The following TAFA2 variants were observed in gnomAD, a reference collection of about 807,000 sequenced individuals.
TAFA2 encodes chemokine-like protein TAFA-2.
TAFA2 carries 7 observed loss-of-function variants against 18.8 expected under a neutral mutation model. That is an observed-to-expected ratio of 0.37 (90% CI 0.21 to 0.70). TAFA2 has a LOEUF of 0.70. Among genes scored for constraint, TAFA2 ranks in the 30% least tolerant of loss-of-function variants. The probability of loss-of-function intolerance (pLI) is 0.53; values close to 1 mark genes in which losing one functional copy is unlikely to be tolerated. For missense variants in TAFA2, 122 were observed against 158.1 expected, an observed-to-expected ratio of 0.77 and a Z score of 1.23; for synonymous variants, 60 against 54.2, an observed-to-expected ratio of 1.11 and a Z score of -0.47.
Position 61,906,160 on chromosome 12 carries a change from C to T in TAFA2, c.-1-38734G>A, listed in dbSNP as rs55975910. On this transcript the variant is annotated intron_variant, in intron 1 of 4. Transcript: ENST00000416284. ...CCACCACACTGCAGAATATCACACT[C>T]GGTAAGTTATGAGGATGATGTCATA... is the stretch of plus-strand genomic sequence containing the variant. 5.7e-3 allele frequency among the ~76,000 whole-genome samples: 869 copies of T among 152,222 alleles called. 6 individuals are homozygous for T. The highest frequency in any genetic ancestry group is 0.019 in the African/African-American group (783 of 41,532).
intron 1 of TAFA2, among the ~76,000 whole-genome samples, chr12:62,163,625 G>A (rs1292010474): frequency 2.6e-5 from 4 of 152,030 alleles, no homozygotes; most frequent in Non-Finnish European, 5.9e-5. Context: ...ATGATTTGTT[G>A]AAACCAAATG....
At chr12:62,121,216 C>G (rs937749568) in intron 1 of TAFA2, among the ~76,000 whole-genome samples, 6 of 152,112 alleles carry the variant, frequency 3.9e-5, no homozygotes, top group Non-Finnish European at 8.8e-5. Context: ...ATAACCCCTA[C>G]CTAATCTCAT....
chr12:61,992,779 G>C (rs1014562783), intron 1 of TAFA2, among the ~76,000 whole-genome samples: 6 of 152,142 alleles, frequency 3.9e-5, no homozygotes, highest in Non-Finnish European at 7.4e-5. Flanking sequence ...AAGAAGACAA[G>C]CTCCATGAGA....
chr12:62,201,178 T>A (rs2062669266), intron 1 of TAFA2, among the ~76,000 whole-genome samples: 4 of 152,202 alleles, frequency 2.6e-5, no homozygotes, highest in Admixed American at 2.6e-4. Flanking sequence ...GATCATGTTA[T>A]CTGCAAACAG....
At chr12:61,765,449 C>T (rs796168298) in intron 2 of TAFA2, among the ~76,000 whole-genome samples, 13 of 152,192 alleles carry the variant, frequency 8.5e-5, no homozygotes, top group African/African-American at 3.1e-4. Flanking sequence ...CAAGCCTTAG[C>T]TTAACTAATA....
chr12:61,765,670 T>C (rs536859002), intron 2 of TAFA2, among the ~76,000 whole-genome samples: 75 of 152,088 alleles, frequency 4.9e-4, no homozygotes, highest in Non-Finnish European at 1.0e-3. Flanking sequence ...ATAATGAGGG[T>C]AAATTGAGCT....
intron 1 of TAFA2, among the ~76,000 whole-genome samples, chr12:62,110,604 G>A (rs1041867914): frequency 6.5e-5 from 9 of 137,726 alleles, no homozygotes; most frequent in East Asian, 2.2e-4. Context: ...AATCCATCTG[G>A]TCCTGGGCTT....
chr12:62,029,951 A>C (rs1881412258), intron 1 of TAFA2, among the ~76,000 whole-genome samples: 1 of 152,152 alleles, frequency 6.6e-6, no homozygotes, highest in Non-Finnish European at 1.5e-5. Context: ...AAACGATCTT[A>C]GAATTAACAC....
intron 1 of TAFA2, among the ~76,000 whole-genome samples, chr12:61,931,781 A>G (rs1877564685): frequency 6.6e-6 from 1 of 152,176 alleles, no homozygotes; most frequent in Non-Finnish European, 1.5e-5. Flanking sequence ...CAGATTAATT[A>G]TCTTCTTTGG....
At chr12:61,969,769 C>T (rs1235548242) in intron 1 of TAFA2, among the ~76,000 whole-genome samples, 2 of 151,618 alleles carry the variant, frequency 1.3e-5, no homozygotes, top group Non-Finnish European at 3.0e-5. Flanking sequence ...GAACTCAATA[C>T]ACGTTTGAAC....
At chr12:62,198,755 G>A (rs2062659400) in intron 1 of TAFA2, among the ~76,000 whole-genome samples, 1 of 152,136 alleles carries the variant, frequency 6.6e-6, no homozygotes, top group African/African-American at 2.4e-5. Context: ...CACAACCCAA[G>A]GTTACATGCA....
At chr12:62,170,533 G>A (rs1164686866) in intron 1 of TAFA2, among the ~76,000 whole-genome samples, 1 of 152,180 alleles carries the variant, frequency 6.6e-6, no homozygotes, top group Admixed American at 6.5e-5. Flanking sequence ...CTGTGCCAGA[G>A]TTATGTGTGT....
chr12:61,786,229 A>G (rs1002913757), intron 2 of TAFA2, among the ~76,000 whole-genome samples: 1 of 151,642 alleles, frequency 6.6e-6, no homozygotes, highest in African/African-American at 2.4e-5. Flanking sequence ...CTGTACTCAG[A>G]AAGCTCTTAC....
chr12:61,762,633 T>TATATATATA (rs1555162980), intron 2 of TAFA2, among the ~76,000 whole-genome samples: 2,750 of 147,568 alleles, frequency 0.019, 36 homozygotes, highest in Non-Finnish European at 0.025. Context: ...ATTTCATTTT[T>TATATATATA]TATATATATA....
intron 1 of TAFA2, among the ~76,000 whole-genome samples, chr12:61,886,729 G>A (rs1300138812): frequency 6.6e-6 from 1 of 152,148 alleles, no homozygotes; most frequent in Non-Finnish European, 1.5e-5. Context: ...TTTGACTTTT[G>A]TTGTCTTATA....
intron 1 of TAFA2, among the ~76,000 whole-genome samples, chr12:62,055,829 C>A (rs994432300): frequency 6.6e-6 from 1 of 152,056 alleles, no homozygotes; most frequent in Non-Finnish European, 1.5e-5. Context: ...AGTATCTTTT[C>A]ATAAAGTATA....
At chr12:61,719,873 T>C (rs915583161) in intron 4 of TAFA2, among the ~76,000 whole-genome samples, 1 of 152,196 alleles carries the variant, frequency 6.6e-6, no homozygotes, top group East Asian at 1.9e-4. Flanking sequence ...GAGCATTCTC[T>C]CCGCTCCATC....
At chr12:62,012,464 G>T (rs1021021381) in intron 1 of TAFA2, among the ~76,000 whole-genome samples, 1 of 148,890 alleles carries the variant, frequency 6.7e-6, no homozygotes, top group Non-Finnish European at 1.5e-5. Flanking sequence ...CAGATGCTTT[G>T]TGAAGGTACA....
intron 1 of TAFA2, among the ~76,000 whole-genome samples, chr12:62,093,447 G>A (rs1368864503): frequency 6.6e-6 from 1 of 152,044 alleles, no homozygotes; most frequent in African/African-American, 2.4e-5. Context: ...GGCATTGCTA[G>A]AAGTGGCTTT....
Sources: gnomAD v4.1 joint callset for allele counts (sites outside exome capture counted in the v4.1 genomes callset) on GRCh38, gnomAD v4.1.1 for gene constraint, MANE v1.5 for transcripts, NCBI Gene and HGNC (gene_info 2026-07-23, HGNC 2026-07-21) for gene names.